The following FARS2 variants were observed in gnomAD, a reference collection of about 807,000 sequenced individuals.
FARS2 encodes phenylalanyl-tRNA synthetase 2, mitochondrial.
In FARS2, 40 loss-of-function variants were observed where a neutral mutation model predicts 46.4. The observed-to-expected ratio is 0.86, with a 90% CI of 0.67 to 1.12. The LOEUF (loss-of-function observed/expected upper bound fraction) is 1.12, where lower values mean the gene tolerates loss of function less well. FARS2 is among the 50% of genes most tolerant of loss of function. The pLI, the probability that FARS2 is intolerant of heterozygous loss-of-function variation, is 0.00. For missense variants in FARS2, 513 were observed against 567.9 expected (o/e 0.90, Z 0.98); for synonymous variants, 234 against 214.9 (o/e 1.09, Z -0.78).
At chr6:5,632,881 A>T (rs1231329992) in intron 6 of FARS2, among the ~76,000 whole-genome samples, 1 of 151,184 alleles carries the variant, frequency 6.6e-6, no homozygotes, top group Non-Finnish European at 1.5e-5. Context: ...TCAACACTAG[A>T]CCCTTATCAC....
intron 5 of FARS2, chr6:5,609,668 T>A: frequency 8.0e-7 from 1 of 1,255,146 alleles, no homozygotes; most frequent in Non-Finnish European, 1.2e-6. Flanking sequence ...AACTTCACAG[T>A]TGTGGCCATT....
chr6:5,349,677 C>T (rs1043555284), intron 1 of FARS2, among the ~76,000 whole-genome samples: 6 of 152,144 alleles, frequency 3.9e-5, no homozygotes, highest in Non-Finnish European at 5.9e-5. Context: ...CAGATTTTCT[C>T]GTTTTTTACC....
rs148765972 is a variant in FARS2 at position 5,630,672 on chromosome 6, A to T, written c.1217+17352A>T. 6.6e-6 allele frequency among the ~76,000 whole-genome samples: 1 copy of T among 152,210 alleles called. No individual in the cohort carries two copies. Among genetic ancestry groups the T allele is most frequent in the Admixed American group, 6.5e-5 (1 of 15,286 alleles). On this transcript the variant is annotated intron_variant, in intron 6 of 6. Transcript: ENST00000274680. The surrounding 1 kb of genome is among the most constrained non-coding windows in gnomAD (Gnocchi z 4.2). ...TCGTATAGCTCACTTGAAGGGTGGG[A>T]TAAGATGGCTGAAAGCGCTCCTGTC...
intron 6 of FARS2, among the ~76,000 whole-genome samples, chr6:5,687,048 TG>T (rs1251461126): frequency 2.6e-5 from 4 of 152,214 alleles, no homozygotes; most frequent in African/African-American, 9.7e-5. Context: ...TTGATGGGGT[TG>T]TTTTTTTCTT....
At chr6:5,572,250 G>A (rs1433320836) in intron 5 of FARS2, among the ~76,000 whole-genome samples, 1 of 152,132 alleles carries the variant, frequency 6.6e-6, no homozygotes, top group African/African-American at 2.4e-5. Context: ...ATGGCGGAAG[G>A]TGAAGGGACA....
At chr6:5,613,147 T>C in intron 5 of FARS2, 22 bp from the exon 6 acceptor site, 1 of 1,603,648 alleles carries the variant, frequency 6.2e-7, no homozygotes. Context: ...TTCATGTATC[T>C]TTTCTCCTCT....
chr6:5,622,441 G>A (rs1775822774), intron 6 of FARS2, among the ~76,000 whole-genome samples: 1 of 152,200 alleles, frequency 6.6e-6, no homozygotes, highest in African/African-American at 2.4e-5. Flanking sequence ...GAATGTTTGT[G>A]TTCCTCCAAA....
At chr6:5,534,097 T>C (rs988137541) in intron 4 of FARS2, among the ~76,000 whole-genome samples, 12 of 152,148 alleles carry the variant, frequency 7.9e-5, no homozygotes, top group African/African-American at 2.9e-4. Flanking sequence ...CTGAAGTCCA[T>C]TGAAATGATT....
At chr6:5,717,626 G>A (rs1431921069) in intron 6 of FARS2, among the ~76,000 whole-genome samples, 2 of 152,034 alleles carry the variant, frequency 1.3e-5, no homozygotes, top group African/African-American at 4.8e-5. Flanking sequence ...TTCATGAGTG[G>A]TGTATCTACT....
intron 1 of FARS2, among the ~76,000 whole-genome samples, chr6:5,296,894 G>A (rs1434412609): frequency 1.3e-5 from 2 of 152,312 alleles, no homozygotes; most frequent in East Asian, 3.9e-4. Context: ...TGAGTGTACA[G>A]ATATCTTTTC....
upstream of FARS2, chr6:5,260,949 T>G: frequency 7.6e-7 from 1 of 1,323,052 alleles, no homozygotes; most frequent in East Asian, 3.4e-5. Flanking sequence ...CAGGCAGGGC[T>G]CGGGGCAGCT....
At chr6:5,422,047 T>C (rs906262936) in intron 3 of FARS2, among the ~76,000 whole-genome samples, 24 of 152,146 alleles carry the variant, frequency 1.6e-4, no homozygotes, top group African/African-American at 5.1e-4. Flanking sequence ...GGAGGAAAAA[T>C]AGGCTTAATG....
chr6:5,407,546 A>T (rs895396183), intron 3 of FARS2, among the ~76,000 whole-genome samples: 3 of 152,142 alleles, frequency 2.0e-5, no homozygotes, highest in Non-Finnish European at 4.4e-5. Flanking sequence ...TTTTTCTAGG[A>T]AGTGGGAAAT....
intron 4 of FARS2, among the ~76,000 whole-genome samples, chr6:5,488,886 T>G (rs952030668): frequency 1.3e-5 from 2 of 152,194 alleles, no homozygotes; most frequent in Non-Finnish European, 2.9e-5. Context: ...TTTCTTTTAA[T>G]GTTTTCAGTC....
chr6:5,444,877 T>C (rs533680933), intron 4 of FARS2, among the ~76,000 whole-genome samples: 1 of 152,304 alleles, frequency 6.6e-6, no homozygotes, highest in Non-Finnish European at 1.5e-5. Flanking sequence ...GGATGGGCAG[T>C]GGGAAGCACA....
chr6:5,634,634 T>G (rs1293857178), intron 6 of FARS2, among the ~76,000 whole-genome samples: 1 of 152,196 alleles, frequency 6.6e-6, no homozygotes, highest in Non-Finnish European at 1.5e-5. Context: ...AAATAGTACT[T>G]TAGGTACCAG....
At chr6:5,525,349 G>A (rs1415163133) in intron 4 of FARS2, among the ~76,000 whole-genome samples, 2 of 152,036 alleles carry the variant, frequency 1.3e-5, no homozygotes, top group African/African-American at 4.8e-5. Flanking sequence ...TTGTAGCATT[G>A]CCGACTGTTG....
intron 5 of FARS2, among the ~76,000 whole-genome samples, chr6:5,594,652 GAAACTTA>G (rs972965007): frequency 6.6e-6 from 1 of 152,198 alleles, no homozygotes; most frequent in Non-Finnish European, 1.5e-5. Context: ...TGGAATTAAT[GAAACTTA>G]AAACCTCAGT....
At chr6:5,326,968 A>G (rs956167913) in intron 1 of FARS2, among the ~76,000 whole-genome samples, 3 of 152,240 alleles carry the variant, frequency 2.0e-5, no homozygotes, top group Non-Finnish European at 4.4e-5. Flanking sequence ...TAAGGACATT[A>G]AACGTGTGAA....
Sources: gnomAD v4.1 joint callset for allele counts (sites outside exome capture counted in the v4.1 genomes callset) on GRCh38, gnomAD v4.1.1 for gene constraint, Gnocchi (gnomAD v3.1) non-coding constraint, MANE v1.5 for transcripts, NCBI Gene and HGNC (gene_info 2026-07-23, HGNC 2026-07-21) for gene names.